PTPRT: variants seen among roughly 807,000 people sequenced by gnomAD.
PTPRT encodes protein tyrosine phosphatase receptor type T.
In PTPRT, 56 loss-of-function variants were observed where a neutral mutation model predicts 176.8. That is an observed-to-expected ratio of 0.32 (90% CI 0.26 to 0.40). PTPRT has a LOEUF of 0.40. Among genes scored for constraint, PTPRT ranks in the 10% least tolerant of loss-of-function variants. The pLI is 1.00. For synonymous variants in PTPRT, 783 were observed against 739.0 expected, an observed-to-expected ratio of 1.06 and a Z score of -0.96; for missense variants, 1,540 against 1,908.2, an observed-to-expected ratio of 0.81 and a Z score of 3.60.
intron 1 of PTPRT, among the ~76,000 whole-genome samples, chr20:43,078,240 A>C (rs565936598): frequency 6.0e-4 from 91 of 152,324 alleles, no homozygotes; most frequent in Non-Finnish European, 1.1e-3. Context: ...GTCATTATAA[A>C]TTAGTAAGTT....
At chr20:42,512,558 A>T (rs2071977650) in intron 7 of PTPRT, among the ~76,000 whole-genome samples, 1 of 152,184 alleles carries the variant, frequency 6.6e-6, no homozygotes, top group Non-Finnish European at 1.5e-5. Context: ...CTTCTTGGTG[A>T]TTATGAATAG....
chr20:42,691,508 G>T (rs2075793078), intron 6 of PTPRT, among the ~76,000 whole-genome samples: 1 of 152,182 alleles, frequency 6.6e-6, no homozygotes, highest in South Asian at 2.1e-4. Context: ...TGAAGTGTCA[G>T]GAAGGGGTGT....
rs186129190 is a variant in PTPRT, at chr20:42,172,576, G to A, written c.2492-11034C>T. 1.1e-4 allele frequency among the ~76,000 whole-genome samples: 16 copies of A among 152,280 alleles called. No individual in the cohort carries two copies. In the East Asian group the frequency reaches 2.9e-3, roughly 28 times the overall value. On this transcript the variant is annotated intron_variant, in intron 16 of 30. Transcript: ENST00000373187. Reference sequence around the variant, plus strand: ...GATCATTACAGATTCACATGCAATCGTAAGAAATAACATAAACGGGTCTTA... The same window carrying A: ...GATCATTACAGATTCACATGCAATCATAAGAAATAACATAAACGGGTCTTA...
intron 1 of PTPRT, among the ~76,000 whole-genome samples, chr20:43,046,698 C>G (rs1471133351): frequency 1.3e-5 from 2 of 152,266 alleles, no homozygotes; most frequent in African/African-American, 4.8e-5. Context: ...CCAGCCATCC[C>G]AACACCAGCA....
chr20:42,915,653 ACT>A (rs1978694188), intron 1 of PTPRT, among the ~76,000 whole-genome samples: 1 of 151,896 alleles, frequency 6.6e-6, no homozygotes, highest in Admixed American at 6.6e-5. Flanking sequence ...AAAGGGTCTC[ACT>A]CTGTCACCCA....
chr20:42,223,031 A>T (rs1257341463), intron 15 of PTPRT, among the ~76,000 whole-genome samples: 1 of 152,104 alleles, frequency 6.6e-6, no homozygotes, highest in Non-Finnish European at 1.5e-5. Context: ...TGTGGGGAAA[A>T]CATCCCATAC....
intron 11 of PTPRT, among the ~76,000 whole-genome samples, chr20:42,328,988 TCA>T (rs1268214284): frequency 6.6e-6 from 1 of 151,500 alleles, no homozygotes; most frequent in Non-Finnish European, 1.5e-5. Flanking sequence ...ACACACTCTC[TCA>T]CACAGTTTCC....
chr20:42,774,621 T>C (rs1481097645), intron 4 of PTPRT, among the ~76,000 whole-genome samples: 2 of 152,228 alleles, frequency 1.3e-5, no homozygotes, highest in African/African-American at 4.8e-5. Flanking sequence ...GTAGCTCTTA[T>C]GAAAGTCCTC....
intron 2 of PTPRT, among the ~76,000 whole-genome samples, chr20:42,842,834 G>A (rs370045533): frequency 6.6e-5 from 10 of 152,284 alleles, no homozygotes; most frequent in South Asian, 2.1e-4. Flanking sequence ...GTGCCCTCAC[G>A]TAGCAGCAGG....
At chr20:43,096,884 C>G (rs1274106877) in intron 1 of PTPRT, among the ~76,000 whole-genome samples, 1 of 152,162 alleles carries the variant, frequency 6.6e-6, no homozygotes, top group Non-Finnish European at 1.5e-5. Flanking sequence ...CAGCATAAAT[C>G]CAATGGTGTG....
intron 2 of PTPRT, among the ~76,000 whole-genome samples, chr20:42,883,897 T>TAC (rs757354228): frequency 0.03 from 3,384 of 114,488 alleles, 149 homozygotes; most frequent in African/African-American, 0.1. Context: ...TACACCCCCA[T>TAC]ACACACACAC....
At chr20:42,992,447 T>C (rs747926218) in intron 1 of PTPRT, among the ~76,000 whole-genome samples, 1 of 152,252 alleles carries the variant, frequency 6.6e-6, no homozygotes, top group Non-Finnish European at 1.5e-5. Context: ...GCCAGTAAGC[T>C]GGCCCAGGAA....
At chr20:42,878,056 T>C (rs192065441) in intron 2 of PTPRT, among the ~76,000 whole-genome samples, 278 of 152,308 alleles carry the variant, frequency 1.8e-3, no homozygotes, top group African/African-American at 6.4e-3. Flanking sequence ...AACCATTCTG[T>C]TTTGGGTATA....
At chr20:43,112,379 G>A (rs1729622004) in intron 1 of PTPRT, among the ~76,000 whole-genome samples, 1 of 152,122 alleles carries the variant, frequency 6.6e-6, no homozygotes, top group South Asian at 2.1e-4. Flanking sequence ...ACAATGGCAT[G>A]GGAAATTTCC....
intron 1 of PTPRT, among the ~76,000 whole-genome samples, chr20:43,107,348 G>A (rs995668472): frequency 1.3e-5 from 2 of 152,126 alleles, no homozygotes; most frequent in African/African-American, 2.4e-5. Flanking sequence ...AAAGAAAAAG[G>A]CAGCAAGGAA....
chr20:42,521,086 G>A lies in PTPRT; in HGVS notation c.1154-48524C>T, dbSNP rs79950801. ...TACATACATACATATCTCTCTCTAT[G>A]TGTATCTACCTATCTAACCTACCTA... On this transcript the variant is annotated intron_variant, in intron 7 of 30. Coordinates refer to ENST00000373187, the MANE Select transcript of PTPRT (RefSeq NM_007050.6). Among the ~76,000 whole-genome samples the A allele has an allele frequency of 6.2e-3, 939 of 151,650 alleles. 16 individuals carry two copies. The highest frequency in any genetic ancestry group is 0.022 in the African/African-American group (901 of 41,336).
chr20:42,676,538 G>GCTCTCT (rs55873681), intron 7 of PTPRT, among the ~76,000 whole-genome samples: 6 of 148,598 alleles, frequency 4.0e-5, no homozygotes, highest in African/African-American at 9.8e-5. Context: ...TATATACAAT[G>GCTCTCT]CTCTCTCTCT....
intron 19 of PTPRT, 131 bp downstream of exon 19, chr20:42,128,623 C>T: frequency 4.2e-6 from 3 of 707,940 alleles, no homozygotes; most frequent in South Asian, 3.1e-5. Context: ...TTGGGTTACA[C>T]TAGTTCCACA....
intron 13 of PTPRT, among the ~76,000 whole-genome samples, chr20:42,264,653 C>A (rs2056808986): frequency 6.6e-6 from 1 of 152,222 alleles, no homozygotes; most frequent in Admixed American, 6.5e-5. Context: ...CTAGAGGATG[C>A]CCAGGTCAAA....
Sources: gnomAD v4.1 joint callset for allele counts (sites outside exome capture counted in the v4.1 genomes callset) on GRCh38, gnomAD v4.1.1 for gene constraint, MANE v1.5 for transcripts, NCBI Gene and HGNC (gene_info 2026-07-23, HGNC 2026-07-21) for gene names.